DGKI: variants seen among roughly 807,000 people sequenced by gnomAD.
DGKI encodes the protein diacylglycerol kinase iota, also known as DAG kinase iota.
In DGKI, 55 loss-of-function variants were observed where a neutral mutation model predicts 147.5. The ratio of observed to expected loss-of-function variants is 0.37; its 90% CI spans 0.30 to 0.47. The LOEUF is 0.47. Among genes scored for constraint, DGKI ranks in the 20% least tolerant of loss-of-function variants. The probability of loss-of-function intolerance (pLI) is 1.00; values close to 1 mark genes in which losing one functional copy is unlikely to be tolerated. For synonymous variants in DGKI, 469 were observed against 477.1 expected (o/e 0.98, Z 0.22); for missense variants, 1,007 against 1,323.8 (o/e 0.76, Z 3.71).
At chr7:137,453,012 A>G (rs1814036991) in intron 27 of DGKI, 1 of 152,160 alleles carries the variant, frequency 6.6e-6, no homozygotes, top group Admixed American at 6.5e-5. Context: ...ATGAAAACCG[A>G]TTTCCCAGTT....
chr7:137,530,845 G>T (rs150746018), intron 20 of DGKI, among the ~76,000 whole-genome samples: 2 of 152,170 alleles, frequency 1.3e-5, no homozygotes, highest in East Asian at 3.9e-4. Flanking sequence ...TTACATTATT[G>T]CTGTACCACC....
chr7:137,415,009 T>TG (rs1563004300), intron 28 of DGKI, among the ~76,000 whole-genome samples: 1 of 152,140 alleles, frequency 6.6e-6, no homozygotes, highest in Non-Finnish European at 1.5e-5. Context: ...CATAAGTACA[T>TG]GAAAAAGACA....
chr7:137,634,372 T>G (rs1323059697), intron 6 of DGKI, among the ~76,000 whole-genome samples: 1 of 152,100 alleles, frequency 6.6e-6, no homozygotes, highest in Non-Finnish European at 1.5e-5. Flanking sequence ...CAAGCACCAA[T>G]AGGAAAATCA....
At chr7:137,633,789 G>T (rs10272169) in intron 6 of DGKI, among the ~76,000 whole-genome samples, 3,324 of 152,282 alleles carry the variant, frequency 0.022, 111 homozygotes, top group African/African-American at 0.073. Flanking sequence ...AAAACTATTT[G>T]CAAGTGCTTT....
chr7:137,438,952 G>T (rs1391842746), intron 28 of DGKI, among the ~76,000 whole-genome samples: 2 of 152,082 alleles, frequency 1.3e-5, no homozygotes, highest in Non-Finnish European at 2.9e-5. Flanking sequence ...TCATATGTAA[G>T]ATATGCATAT....
At position 137,585,489 on chromosome 7, in the gene DGKI, G is replaced by C. The variant is rs76726564; in HGVS notation, c.1426-143C>G. The C allele has an allele frequency of 8.9e-6, 8 of 901,616 alleles. No homozygotes were observed. In the South Asian group the frequency reaches 1.3e-4, roughly 15 times the overall value. The allele number at this position is 901,616 out of a possible 1,614,324, so 55.9% of individuals were successfully genotyped here. On this transcript the variant is annotated intron_variant, in intron 13 of 32. Transcript: ENST00000614521. ...TGAAGAGCAAATTTTTTACCTTGAG[G>C]TACTTAGAATTTGAGACAATACTAT...
intron 3 of DGKI, among the ~76,000 whole-genome samples, chr7:137,661,423 C>T (rs1822423390): frequency 1.3e-5 from 2 of 152,026 alleles, no homozygotes; most frequent in Admixed American, 1.3e-4. Flanking sequence ...AAAGGGGCTT[C>T]AGGCAGAAAC....
intron 28 of DGKI, among the ~76,000 whole-genome samples, chr7:137,423,790 G>A (rs1812672820): frequency 1.3e-5 from 2 of 152,084 alleles, no homozygotes; most frequent in African/African-American, 4.8e-5. Context: ...CGGCAAAAGT[G>A]TACAATTAAA....
chr7:137,643,893 G>T (rs1447818458), intron 6 of DGKI, among the ~76,000 whole-genome samples: 1 of 152,270 alleles, frequency 6.6e-6, no homozygotes, highest in East Asian at 1.9e-4. Context: ...CTGGGCTCCA[G>T]TGAAGATATT....
At chr7:137,428,406 A>C (rs1812912689) in intron 28 of DGKI, among the ~76,000 whole-genome samples, 1 of 152,216 alleles carries the variant, frequency 6.6e-6, no homozygotes, top group Non-Finnish European at 1.5e-5. Context: ...ATATCTCAAA[A>C]TAATAAGAGC....
At chr7:137,787,133 A>C (rs774216729) in intron 1 of DGKI, among the ~76,000 whole-genome samples, 16 of 152,238 alleles carry the variant, frequency 1.1e-4, no homozygotes, top group Non-Finnish European at 2.4e-4. Context: ...ATAGCACTTA[A>C]ACTAAAAACC....
At chr7:137,661,921 G>A (rs116990193) in intron 3 of DGKI, among the ~76,000 whole-genome samples, 526 of 152,256 alleles carry the variant, frequency 3.5e-3, no homozygotes, top group Admixed American at 5.6e-3. Context: ...TGTCTCTCTG[G>A]CAACATACAC....
rs142980076 is a variant in DGKI at position 137,609,028 on chromosome 7, T to C, written c.1105A>G (p.Ile369Val). Reference sequence around the variant, plus strand: ...AAGGGTTTCATGAGAGGAGAAGAGATGGGTTTTATCACAAAAGGACGACCT... The same window carrying C: ...AAGGGTTTCATGAGAGGAGAAGAGACGGGTTTTATCACAAAAGGACGACCT... Reference protein sequence around the residue: ...NKGRPFVIKPISSPLMKPLLV... With the variant: ...NKGRPFVIKPVSSPLMKPLLV... Residue 369 changes from isoleucine to valine, a missense_variant, in exon 10 of 33, where the codon ATC becomes GTC. Physicochemically the swap from Ile to Val is conservative, Grantham distance 29. Coordinates refer to ENST00000614521, the MANE Select transcript of DGKI (RefSeq NM_001321708.2). 87 of 1,613,698 alleles carry C rather than the reference T, an allele frequency of 5.4e-5. No individual in the cohort carries two copies. The African/African-American group carries it at 8.3e-4, about 15-fold the overall frequency.
intron 8 of DGKI, among the ~76,000 whole-genome samples, chr7:137,617,675 G>C (rs1339169881): frequency 6.6e-6 from 1 of 151,974 alleles, no homozygotes; most frequent in South Asian, 2.1e-4. Context: ...GGACCACCAG[G>C]GATGCTCCTG....
At position 137,552,520 on chromosome 7, in the gene DGKI, C is replaced by G; in HGVS notation, c.1996G>C (p.Glu666Gln). The G allele has an allele frequency of 1.9e-6, 3 of 1,614,220 alleles. No homozygotes were observed. Among genetic ancestry groups the G allele is most frequent in the Non-Finnish European group, 2.5e-6 (3 of 1,180,036 alleles). The change falls in exon 20 of 33, where the codon GAA becomes CAA. Residue 666 changes from glutamate (E) to glutamine (Q), a missense_variant. Physicochemically the swap from Glu to Gln is conservative, Grantham distance 29. Transcript: ENST00000614521. The stretch of plus-strand genomic sequence containing the variant: ...GATTTGTAAGTTAGAAGCATGACTT[C>G]TCGACACTGGTGTAGCCTCTCTCCA... Reference protein sequence around the residue: ...GHGERLHQCREVMLLTYKSIP... With the variant: ...GHGERLHQCRQVMLLTYKSIP...
At chr7:137,779,863 A>T (rs1003981735) in intron 1 of DGKI, among the ~76,000 whole-genome samples, 2 of 152,200 alleles carry the variant, frequency 1.3e-5, no homozygotes, top group African/African-American at 4.8e-5. Flanking sequence ...GAAATTTATC[A>T]GTATAAGTTG....
At chr7:137,540,120 C>A (rs999534933) in intron 20 of DGKI, among the ~76,000 whole-genome samples, 9 of 152,222 alleles carry the variant, frequency 5.9e-5, no homozygotes, top group African/African-American at 2.2e-4. Flanking sequence ...AGGAAAAAAT[C>A]TTGTGGCTCT....
chr7:137,422,525 A>G (rs1731978), intron 28 of DGKI, among the ~76,000 whole-genome samples: 144,359 of 150,668 alleles, frequency 0.96, 69,469 homozygotes, highest in East Asian at 1. Context: ...GTTTTGTTAG[A>G]CAAACATTAA....
intron 21 of DGKI, among the ~76,000 whole-genome samples, chr7:137,507,181 A>T (rs1337943538): frequency 6.6e-6 from 1 of 152,234 alleles, no homozygotes; most frequent in Non-Finnish European, 1.5e-5. Flanking sequence ...ATACCTTGCC[A>T]TGCCATGTCT....
Sources: gnomAD v4.1 joint callset for allele counts (sites outside exome capture counted in the v4.1 genomes callset) on GRCh38, gnomAD v4.1.1 for gene constraint, MANE v1.5 for transcripts, NCBI Gene and HGNC (gene_info 2026-07-23, HGNC 2026-07-21) for gene names.